Variants in CAST observed in about 807,000 individuals in gnomAD.
The protein encoded by CAST is calpastatin.
CAST carries 76 observed loss-of-function variants against 119.6 expected under a neutral mutation model. That is an observed-to-expected ratio of 0.64 (90% CI 0.53 to 0.77). The LOEUF (loss-of-function observed/expected upper bound fraction) is 0.77, where lower values mean the gene tolerates loss of function less well. CAST is among the 30% of genes least tolerant of loss of function. CAST has a pLI of 0.00. For missense variants in CAST, 953 were observed against 946.5 expected, an observed-to-expected ratio of 1.01 and a Z score of -0.09; for synonymous variants, 319 against 331.6, an observed-to-expected ratio of 0.96 and a Z score of 0.41.
At chr5:96,101,980 A>C in the CAST span, among the ~76,000 whole-genome samples, 3 of 152,040 alleles carry the variant, frequency 2.0e-5, no homozygotes, top group African/African-American at 7.2e-5. Flanking sequence ...TGTGGCACCC[A>C]GGTTGGGGTG....
the CAST span, among the ~76,000 whole-genome samples, chr5:96,048,599 C>T: frequency 6.6e-6 from 1 of 151,994 alleles, no homozygotes; most frequent in African/African-American, 2.4e-5. Context: ...GAGATGTAGT[C>T]TTCAGTCAGA....
At chr5:96,168,246 G>A in the CAST span, among the ~76,000 whole-genome samples, 89,903 of 152,010 alleles carry the variant, frequency 0.59, 26,867 homozygotes, top group Non-Finnish European at 0.62. Flanking sequence ...CCTTATCAGC[G>A]TAAGCATTGT....
At chr5:95,982,865 A>G in the CAST span, among the ~76,000 whole-genome samples, 10 of 152,226 alleles carry the variant, frequency 6.6e-5, no homozygotes, top group Non-Finnish European at 8.8e-5. Flanking sequence ...AAATTAATTT[A>G]TAAAGACAAA....
the CAST span, among the ~76,000 whole-genome samples, chr5:96,474,287 G>A: frequency 2.9e-4 from 44 of 152,130 alleles, 2 homozygotes; most frequent in East Asian, 5.8e-3. Context: ...CACTGACCCC[G>A]CTTGCACCAC....
At chr5:96,094,174 C>T in the CAST span, among the ~76,000 whole-genome samples, 30 of 152,148 alleles carry the variant, frequency 2.0e-4, no homozygotes, top group East Asian at 3.8e-4. Context: ...CAGGTGGAAA[C>T]GTATTTAATC....
the CAST span, among the ~76,000 whole-genome samples, chr5:96,489,499 C>A: frequency 6.6e-6 from 1 of 152,192 alleles, no homozygotes; most frequent in African/African-American, 2.4e-5. Flanking sequence ...TATGCATACA[C>A]AGACTTACAT....
the CAST span, among the ~76,000 whole-genome samples, chr5:96,149,537 A>T: frequency 6.6e-6 from 1 of 152,232 alleles, no homozygotes; most frequent in African/African-American, 2.4e-5. Context: ...CTATTTTTCC[A>T]AGGCTGCCCC....
chr5:96,731,625 TA>T, intron 9 of CAST, among the ~76,000 whole-genome samples: 1 of 151,390 alleles, frequency 6.6e-6, no homozygotes, highest in African/African-American at 2.4e-5. Flanking sequence ...TAGCATTAGG[TA>T]TATCTCCCAA....
chr5:96,482,508 A>G, the CAST span, among the ~76,000 whole-genome samples: 1 of 151,886 alleles, frequency 6.6e-6, no homozygotes, highest in African/African-American at 2.4e-5. Context: ...GCTTATAGGC[A>G]TTAGTGCCTT....
chr5:96,315,147 T>C, the CAST span, among the ~76,000 whole-genome samples: 1 of 152,210 alleles, frequency 6.6e-6, no homozygotes, highest in Non-Finnish European at 1.5e-5. Context: ...ATTGTTAAAC[T>C]GTGATACGGG....
intron 3 of CAST, among the ~76,000 whole-genome samples, chr5:96,708,351 A>G (rs1755432343): frequency 6.6e-6 from 1 of 152,156 alleles, no homozygotes; most frequent in Non-Finnish European, 1.5e-5. Context: ...CCTCAGATCT[A>G]TCTTGCAGTC....
chr5:96,200,801 T>C, the CAST span, among the ~76,000 whole-genome samples: 2 of 152,230 alleles, frequency 1.3e-5, no homozygotes, highest in East Asian at 3.9e-4. Context: ...GAGAAGTAAA[T>C]GACATATTAA....
the CAST span, among the ~76,000 whole-genome samples, chr5:96,455,052 A>G: frequency 6.6e-6 from 1 of 152,232 alleles, no homozygotes; most frequent in African/African-American, 2.4e-5. Flanking sequence ...CAATTAAAAT[A>G]AAGGTATTTT....
At chr5:96,349,737 CA>C in the CAST span, among the ~76,000 whole-genome samples, 1 of 152,004 alleles carries the variant, frequency 6.6e-6, no homozygotes, top group Non-Finnish European at 1.5e-5. Context: ...AGGAACTGGA[CA>C]TTATTTTGTA....
At chr5:96,261,721 T>G in the CAST span, among the ~76,000 whole-genome samples, 1 of 152,202 alleles carries the variant, frequency 6.6e-6, no homozygotes, top group Non-Finnish European at 1.5e-5. Context: ...GCACTTGAAA[T>G]GTTGCTAGTG....
At chr5:96,107,681 T>C in the CAST span, among the ~76,000 whole-genome samples, 1 of 152,262 alleles carries the variant, frequency 6.6e-6, no homozygotes, top group African/African-American at 2.4e-5. Flanking sequence ...TCAACTTTGG[T>C]GAATCTGACA....
At chr5:96,312,071 T>G in the CAST span, among the ~76,000 whole-genome samples, 1 of 152,198 alleles carries the variant, frequency 6.6e-6, no homozygotes, top group Admixed American at 6.5e-5. Context: ...TTTATTTTTG[T>G]TTTGTTTGTC....
At chr5:96,016,881 G>A in the CAST span, among the ~76,000 whole-genome samples, 1 of 133,978 alleles carries the variant, frequency 7.5e-6, no homozygotes, top group Non-Finnish European at 1.5e-5. Flanking sequence ...CTGTCACCCA[G>A]GCTAGAGTGC....
At chr5:96,583,889 G>T (rs1746807422) in intron 1 of CAST, among the ~76,000 whole-genome samples, 1 of 152,198 alleles carries the variant, frequency 6.6e-6, no homozygotes, top group South Asian at 2.1e-4. Flanking sequence ...AAGTGGTAGT[G>T]GTAGAGGGGG....
Sources: allele counts gnomAD v4.1 joint callset (sites outside exome capture counted in the v4.1 genomes callset), GRCh38; gene constraint gnomAD v4.1.1; transcripts MANE v1.5; gene names NCBI Gene and HGNC (gene_info 2026-07-23, HGNC 2026-07-21).